The following AMMECR1 variants were observed in gnomAD, a reference collection of about 807,000 sequenced individuals.
The protein encoded by AMMECR1 is AMMECR nuclear protein 1.
Under a neutral mutation model 22.5 loss-of-function variants are expected in AMMECR1, and 3 were observed. The ratio of observed to expected loss-of-function variants is 0.13; its 90% CI spans 0.06 to 0.35. The LOEUF is 0.35. AMMECR1 is among the 10% of genes least tolerant of loss of function. AMMECR1 has a pLI of 1.00. For missense variants in AMMECR1, 235 were observed against 278.7 expected, an observed-to-expected ratio of 0.84 and a Z score of 1.12; for synonymous variants, 130 against 116.7, an observed-to-expected ratio of 1.11 and a Z score of -0.74.
chrX:110,428,605 C>A (rs1413010460), intron 1 of AMMECR1, among the ~76,000 whole-genome samples: 1 of 111,252 alleles, frequency 9.0e-6, no homozygotes. Context: ...AACACTCCCC[C>A]CCTCTCCAAG....
chrX:110,358,465 G>A (rs1223925433), intron 2 of AMMECR1, among the ~76,000 whole-genome samples: 1 of 110,876 alleles, frequency 9.0e-6, no homozygotes, highest in East Asian at 2.8e-4. Context: ...AATGCATCAT[G>A]TCCATTTTCT....
intron 2 of AMMECR1, among the ~76,000 whole-genome samples, chrX:110,263,048 G>A (rs2067749938): frequency 9.0e-6 from 1 of 110,950 alleles, no homozygotes; most frequent in Admixed American, 9.6e-5. Flanking sequence ...TTCAGGTAGC[G>A]CAAAGGAACC....
At chrX:110,414,129 A>C (rs765546377) in intron 2 of AMMECR1, among the ~76,000 whole-genome samples, 1 of 112,051 alleles carries the variant, frequency 8.9e-6, no homozygotes, top group South Asian at 3.8e-4. Context: ...AGTCTGGATA[A>C]ATTTAACTGA....
In AMMECR1 at chrX:110,380,544, G is replaced by A. The variant is rs777328423; in HGVS notation, c.-148+46114C>T. 6.3e-5 allele frequency among the ~76,000 whole-genome samples: 7 copies of A among 111,758 alleles called. No individual in the cohort carries two copies. In the South Asian group the frequency reaches 2.6e-3, roughly 42 times the overall value. On this transcript the variant is annotated intron_variant, in intron 2 of 7. Transcript: ENST00000372057. ...GCTCAAAGCAATCTACAGATTCAAC[G>A]CTATTCCTATCAAATAACCAATGTC... is the stretch of plus-strand genomic sequence containing the variant.
chrX:110,425,601 T>G (rs1276733384), intron 2 of AMMECR1, among the ~76,000 whole-genome samples: 1 of 113,113 alleles, frequency 8.8e-6, no homozygotes, highest in African/African-American at 3.2e-5. Context: ...CAATAATAGT[T>G]GCCCTATAGT....
chrX:110,339,973 T>TACACACACACAC (rs35459612), intron 2 of AMMECR1, among the ~76,000 whole-genome samples: 6 of 78,800 alleles, frequency 7.6e-5, no homozygotes, highest in African/African-American at 2.5e-4. Context: ...AGGCAAAACA[T>TACACACACACAC]ACACACACAC....
intron 2 of AMMECR1, among the ~76,000 whole-genome samples, chrX:110,424,255 C>A (rs1321734302): frequency 8.9e-6 from 1 of 111,739 alleles, no homozygotes; most frequent in East Asian, 2.8e-4. Flanking sequence ...CTCTTGAGGA[C>A]AAAATTCATC....
chrX:110,402,658 T>C (rs965957268), intron 2 of AMMECR1, among the ~76,000 whole-genome samples: 7 of 112,604 alleles, frequency 6.2e-5, no homozygotes, highest in Non-Finnish European at 1.3e-4. Context: ...GAGGCTGATC[T>C]CATCCTGAAA....
rs1294098842 is a variant in AMMECR1 at position 110,369,306 on chromosome X, T to C, written c.-147-51457A>G. Among the ~76,000 whole-genome samples the C allele has an allele frequency of 2.7e-5, 3 of 111,315 alleles. No homozygotes were observed. In the Admixed American group the frequency reaches 2.9e-4, roughly 11 times the overall value. ...GAGATGGCACCACTGCACTACAGCCTGGGCGACAGAGCAAGATTCTGTCTC... is the reference window on the plus strand; with the variant it reads ...GAGATGGCACCACTGCACTACAGCCCGGGCGACAGAGCAAGATTCTGTCTC... On this transcript the variant is annotated intron_variant, in intron 2 of 7. Coordinates refer to the AMMECR1 transcript ENST00000372057.
chrX:110,344,426 A>T (rs1258936622), intron 2 of AMMECR1, among the ~76,000 whole-genome samples: 1 of 112,225 alleles, frequency 8.9e-6, no homozygotes, highest in Non-Finnish European at 1.9e-5. Context: ...TTCAGGACAT[A>T]GGCGTGGGCA....
intron 2 of AMMECR1, among the ~76,000 whole-genome samples, chrX:110,378,920 G>T (rs770900824): frequency 1.2e-3 from 132 of 108,514 alleles, no homozygotes; most frequent in South Asian, 8.4e-3. Flanking sequence ...CTGGACACCC[G>T]TCCACCCCCC....
At chrX:110,244,720 G>A (rs1347684839) in intron 2 of AMMECR1, among the ~76,000 whole-genome samples, 6 of 111,974 alleles carry the variant, frequency 5.4e-5, no homozygotes, top group Non-Finnish European at 1.1e-4. Flanking sequence ...TTAAGTGCTC[G>A]ATAAATGTGG....
At chrX:110,359,409 C>T (rs1341712238) in intron 2 of AMMECR1, among the ~76,000 whole-genome samples, 2 of 111,302 alleles carry the variant, frequency 1.8e-5, no homozygotes, top group African/African-American at 3.3e-5. Context: ...CTCTTTTCAT[C>T]TGCCAAATAT....
chrX:110,318,484 A>T (rs1050667485), upstream of AMMECR1, among the ~76,000 whole-genome samples: 4 of 110,396 alleles, frequency 3.6e-5, no homozygotes, highest in Non-Finnish European at 7.6e-5. Flanking sequence ...GGAAAGGGAA[A>T]CTAGTGGGGG....
intron 2 of AMMECR1, among the ~76,000 whole-genome samples, chrX:110,372,020 A>T (rs1406103024): frequency 9.0e-6 from 1 of 110,948 alleles, no homozygotes; most frequent in East Asian, 2.8e-4. Context: ...TGTACTCCCC[A>T]TTGTTAAGGT....
At chrX:110,361,546 AC>A (rs2068263822) in intron 2 of AMMECR1, among the ~76,000 whole-genome samples, 1 of 108,394 alleles carries the variant, frequency 9.2e-6, no homozygotes, top group African/African-American at 3.4e-5. Flanking sequence ...TAACAACAAA[AC>A]CCCTTATAAT....
At chrX:110,262,894 G>A (rs778445278) in intron 2 of AMMECR1, among the ~76,000 whole-genome samples, 1 of 111,531 alleles carries the variant, frequency 9.0e-6, no homozygotes, top group Non-Finnish European at 1.9e-5. Flanking sequence ...AAATAAGCCT[G>A]GAAAATGCTA....
chrX:110,265,403 T>C (rs1473097050), intron 1 of AMMECR1, among the ~76,000 whole-genome samples: 2 of 111,649 alleles, frequency 1.8e-5, no homozygotes, highest in African/African-American at 6.5e-5. Context: ...TAGATAAAAG[T>C]ATTACCTGCA....
chrX:110,359,092 T>A (rs1184166734), intron 2 of AMMECR1, among the ~76,000 whole-genome samples: 1 of 111,535 alleles, frequency 9.0e-6, no homozygotes, highest in Non-Finnish European at 1.9e-5. Flanking sequence ...AAACTGAAGT[T>A]CAGAGATGTT....
Sources: allele counts gnomAD v4.1 joint callset (sites outside exome capture counted in the v4.1 genomes callset), GRCh38; gene constraint gnomAD v4.1.1; transcripts MANE v1.5; gene names NCBI Gene and HGNC (gene_info 2026-07-23, HGNC 2026-07-21).